Variants in DR1 observed in about 807,000 individuals in gnomAD.
DR1 encodes the protein protein Dr1.
In DR1, 7 loss-of-function variants were observed where a neutral mutation model predicts 19.9. The observed-to-expected ratio is 0.35, with a 90% CI of 0.20 to 0.66. DR1 has a LOEUF of 0.66. DR1 is among the 30% of genes least tolerant of loss of function. The pLI is 0.66. For synonymous variants in DR1, 76 were observed against 72.5 expected (o/e 1.05, Z -0.24); for missense variants, 98 against 203.7 (o/e 0.48, Z 3.16).
In DR1 at chr1:93,366,709, A is replaced by G. The variant is rs746159331; in HGVS notation, c.*6070A>G. The G allele has an allele frequency of 3.9e-5, 6 of 152,222 alleles. No individual in the cohort carries two copies. The highest frequency in any genetic ancestry group is 8.8e-5 in the Non-Finnish European group (6 of 68,040). The allele number at this position is 152,222 out of a possible 1,614,324, so 9.4% of individuals were successfully genotyped here. On this transcript the variant is annotated 3_prime_UTR_variant, in exon 3 of 3. Transcript: ENST00000370272. Reference sequence around the variant, plus strand: ...TTATATACATTTAAAAAGGATAAAAACAAGTAAGAATTGGCTGGACATGGT... The same window carrying G: ...TTATATACATTTAAAAAGGATAAAAGCAAGTAAGAATTGGCTGGACATGGT...
intron 1 of DR1, among the ~76,000 whole-genome samples, chr1:93,348,829 T>C (rs1010203172): frequency 6.6e-6 from 1 of 152,020 alleles, no homozygotes; most frequent in African/African-American, 2.4e-5. Context: ...TTCTCCCTAG[T>C]TGGGGTTGTA....
rs563869507 is a variant in DR1, at chr1:93,347,131, T to C, written c.220+266T>C. Among the ~76,000 whole-genome samples, 8 of 152,358 alleles carry C rather than the reference T, an allele frequency of 5.3e-5. No individual in the cohort carries two copies. The East Asian group carries it at 1.5e-3, about 29-fold the overall frequency. ...GTAAAGAATAAGAGTGATCTCACTT[T>C]ACAGCCAGGTAAGCCGAAGCAACAA... On this transcript the variant is annotated intron_variant, in intron 1 of 2. Transcript: ENST00000370272.
intron 1 of DR1, among the ~76,000 whole-genome samples, chr1:93,347,609 C>G (rs1369561489): frequency 6.6e-6 from 1 of 150,896 alleles, no homozygotes; most frequent in Non-Finnish European, 1.5e-5. Context: ...CGGAAAATTT[C>G]CCCGTCCTTT....
At chr1:93,349,397 C>T (rs959792309) in intron 1 of DR1, among the ~76,000 whole-genome samples, 4 of 152,014 alleles carry the variant, frequency 2.6e-5, no homozygotes, top group Non-Finnish European at 5.9e-5. Flanking sequence ...TTTGTGAACA[C>T]GTATTCTTGA....
At position 93,366,284 on chromosome 1, in the gene DR1, TA is replaced by T. The variant is rs1481770660; in HGVS notation, c.*5646del. 4 of 152,240 alleles carry T rather than the reference TA, an allele frequency of 2.6e-5. No individual in the cohort carries two copies. Among genetic ancestry groups the T allele is most frequent in the Non-Finnish European group, 5.9e-5 (4 of 68,040 alleles). 9.4% of individuals were successfully genotyped at this position (152,240 alleles called of 1,614,324 possible). ...TAGTATGTAAATACCGTATTTTGTT[TA>T]TCAGTTCATCCATTAATGGACACTG... On this transcript the variant is annotated 3_prime_UTR_variant, in exon 3 of 3. Transcript: ENST00000370272.
chr1:93,361,835 A>T lies in DR1; in HGVS notation c.*1196A>T, dbSNP rs888474661. The T allele has an allele frequency of 6.6e-6, 1 of 152,554 alleles. No homozygotes were observed. The highest frequency in any genetic ancestry group is 2.4e-5 in the African/African-American group (1 of 41,462). 9.5% of individuals were successfully genotyped at this position (152,554 alleles called of 1,614,324 possible). A position where few individuals can be genotyped will look rare whatever the true frequency, so the allele number is the denominator to read the frequency against. ...ACTTATCAGCCGTATATGGAACATA[A>T]ATAGTTTCTACCTGCTTGTTAGAGA... On this transcript the variant is annotated 3_prime_UTR_variant, in exon 3 of 3. Coordinates refer to ENST00000370272, the MANE Select transcript of DR1 (RefSeq NM_001938.3).
intron 1 of DR1, 94 bp downstream of exon 1, chr1:93,346,959 C>T: frequency 8.9e-7 from 1 of 1,122,716 alleles, no homozygotes; most frequent in East Asian, 2.6e-5. Context: ...CATTCCTCTT[C>T]CCTGGTAAGT....
rs1401660944 is a variant in DR1, at chr1:93,346,721, C to T, written c.76C>T (p.Leu26Phe). ...AAINKMIKET[L>F]PNVRVANDAR... ...TATCAATAAAATGATCAAAGAGACT[C>T]TTCCTAATGTCCGGGTGGCCAACGA... The change falls in exon 1 of 3, where the codon CTT (leucine) becomes TTT (phenylalanine). Residue 26 changes from leucine to phenylalanine, a missense_variant. Coordinates refer to ENST00000370272, the MANE Select transcript of DR1 (RefSeq NM_001938.3). 6.2e-7 allele frequency: 1 copy of T among 1,614,142 alleles called. No individual in the cohort carries two copies.
Position 93,369,159 on chromosome 1 carries a change from A to G in DR1, c.*8520A>G, listed in dbSNP as rs1248677372. 1 of 152,190 alleles carries G rather than the reference A, an allele frequency of 6.6e-6. No homozygotes were observed. The highest frequency in any genetic ancestry group is 1.5e-5 in the Non-Finnish European group (1 of 68,006). 9.4% of individuals were successfully genotyped at this position (152,190 alleles called of 1,614,324 possible). On this transcript the variant is annotated 3_prime_UTR_variant, in exon 3 of 3. Transcript: ENST00000370272. ...CAAGGGATGACTGTAATATAATAAC[A>G]TCTAACAAGTGAAGGATTTGAACCC...
At chr1:93,353,791 A>G (rs1369671045) in intron 1 of DR1, 117 bp from the exon 2 acceptor site, 3 of 760,506 alleles carry the variant, frequency 3.9e-6, no homozygotes, top group African/African-American at 1.8e-5. Flanking sequence ...AAATTATTAG[A>G]AAACAGCAAA....
chr1:93,360,647 C>G lies in DR1; in HGVS notation c.*8C>G. 1 of 1,579,028 alleles carries G rather than the reference C, an allele frequency of 6.3e-7. No individual in the cohort carries two copies. Among genetic ancestry groups the G allele is most frequent in the Non-Finnish European group, 8.6e-7 (1 of 1,168,506 alleles). Reference sequence around the variant, plus strand: ...GATGATGATGATATCTGAAATTCACCAGCTGAGTTTCTATTTCTTCTATAA... The same window carrying G: ...GATGATGATGATATCTGAAATTCACGAGCTGAGTTTCTATTTCTTCTATAA... On this transcript the variant is annotated 3_prime_UTR_variant, in exon 3 of 3. Coordinates refer to ENST00000370272, the MANE Select transcript of DR1 (RefSeq NM_001938.3).
chr1:93,347,002 C>A, intron 1 of DR1, 137 bp downstream of exon 1: 1 of 747,820 alleles, frequency 1.3e-6, no homozygotes, highest in Non-Finnish European at 2.2e-6. Flanking sequence ...GGCATGTAGG[C>A]AGCCGGTGCT....
chr1:93,347,874 GTAA>G (rs1326636621), intron 1 of DR1, among the ~76,000 whole-genome samples: 2 of 152,046 alleles, frequency 1.3e-5, no homozygotes, highest in Non-Finnish European at 2.9e-5. Context: ...CTTGCCTTTT[GTAA>G]TAATCTAATT....
Position 93,359,892 on chromosome 1 carries a change from G to A in DR1, c.385-601G>A, listed in dbSNP as rs1231371367. On this transcript the variant is annotated intron_variant, in intron 2 of 2. Transcript: ENST00000370272. The stretch of plus-strand genomic sequence containing the variant: ...TGTATGTGTGTATATGCAAATGTGT[G>A]TACTTACAGAGAGGGAATGAGGGAC... 2.0e-5 allele frequency among the ~76,000 whole-genome samples: 3 copies of A among 152,244 alleles called. No individual in the cohort carries two copies. In the South Asian group the frequency reaches 6.2e-4, roughly 32 times the overall value.
rs533274855 is a variant in DR1 at position 93,348,780 on chromosome 1, T to C, written c.220+1915T>C. Reference sequence around the variant, plus strand: ...ACCTTTTTTTCTTGTATTATGCTATTCTTAAAAGTGGTTAAGAATCTACAT... The same window carrying C: ...ACCTTTTTTTCTTGTATTATGCTATCCTTAAAAGTGGTTAAGAATCTACAT... On this transcript the variant is annotated intron_variant, in intron 1 of 2. Coordinates refer to ENST00000370272, the MANE Select transcript of DR1 (RefSeq NM_001938.3). 5.9e-5 allele frequency among the ~76,000 whole-genome samples: 9 copies of C among 152,200 alleles called. No individual in the cohort carries two copies. In the South Asian group the frequency reaches 1.9e-3, roughly 32 times the overall value.
rs1667048944 is a variant in DR1, at chr1:93,361,303, A to G, written c.*664A>G. ...GTGTAGAGGTAAAAACTATAGTTTT[A>G]TTACAGCATAATTCATTTTGAGCTC... On this transcript the variant is annotated 3_prime_UTR_variant, in exon 3 of 3. Coordinates refer to ENST00000370272, the MANE Select transcript of DR1 (RefSeq NM_001938.3). 1 of 152,574 alleles carries G rather than the reference A, an allele frequency of 6.6e-6. No homozygotes were observed. Among genetic ancestry groups the G allele is most frequent in the Non-Finnish European group, 1.5e-5 (1 of 67,984 alleles). The allele number at this position is 152,574 out of a possible 1,614,324, so 9.5% of individuals were successfully genotyped here.
chr1:93,357,577 A>G (rs952133771), intron 2 of DR1, among the ~76,000 whole-genome samples: 4 of 152,292 alleles, frequency 2.6e-5, no homozygotes, highest in Middle Eastern at 3.4e-3. Flanking sequence ...AAAATGTACA[A>G]TCACTTATTC....
At chr1:93,360,287 C>G (rs1667036299) in intron 2 of DR1, among the ~76,000 whole-genome samples, 3 of 151,920 alleles carry the variant, frequency 2.0e-5, no homozygotes, top group African/African-American at 7.3e-5. Context: ...ATTTCTTAGA[C>G]CTGTGTAGTT....
rs1055117804 is a variant in DR1 at position 93,362,442 on chromosome 1, T to TC, written c.*1803_*1804insC. On this transcript the variant is annotated 3_prime_UTR_variant, in exon 3 of 3. Coordinates refer to ENST00000370272, the MANE Select transcript of DR1 (RefSeq NM_001938.3). ...CAACTTAGATATTTTCCACACCTTT[T>TC]TTTTTTTTTCTGATGCAGAGTTCAG... The TC allele has an allele frequency of 6.6e-6, 1 of 151,976 alleles. No individual in the cohort carries two copies. The highest frequency in any genetic ancestry group is 1.5e-5 in the Non-Finnish European group (1 of 67,778). 9.4% of individuals were successfully genotyped at this position (151,976 alleles called of 1,614,324 possible). A position where few individuals can be genotyped will look rare whatever the true frequency, so the allele number is the denominator to read the frequency against.
Sources: gnomAD v4.1 joint callset for allele counts (sites outside exome capture counted in the v4.1 genomes callset) on GRCh38, gnomAD v4.1.1 for gene constraint, MANE v1.5 for transcripts, NCBI Gene and HGNC (gene_info 2026-07-23, HGNC 2026-07-21) for gene names.